The following NDST3 variants were observed in gnomAD, a reference collection of about 807,000 sequenced individuals.
The protein encoded by NDST3 is bifunctional heparan sulfate N-deacetylase/N-sulfotransferase 3.
Under a neutral mutation model 96.1 loss-of-function variants are expected in NDST3, and 58 were observed. The observed-to-expected ratio is 0.60, with a 90% confidence interval of 0.49 to 0.75. The LOEUF is 0.75. Ranked by LOEUF, NDST3 falls within the 30% of genes least tolerant of loss-of-function variation. The pLI, the probability that NDST3 is intolerant of heterozygous loss-of-function variation, is 0.00. For missense variants in NDST3, 788 were observed against 1,034.2 expected (o/e 0.76, Z 3.27); for synonymous variants, 333 against 359.7 (o/e 0.93, Z 0.84).
At chr4:118,151,881 C>T (rs1490979685) in intron 6 of NDST3, among the ~76,000 whole-genome samples, 2 of 151,938 alleles carry the variant, frequency 1.3e-5, no homozygotes, top group African/African-American at 2.4e-5. Context: ...TTTAGAGGCC[C>T]CTCCTGCGTT....
intron 1 of NDST3, among the ~76,000 whole-genome samples, chr4:118,049,114 T>C (rs949297817): frequency 6.6e-6 from 1 of 152,122 alleles, no homozygotes; most frequent in Non-Finnish European, 1.5e-5. Flanking sequence ...AACTTGCTCC[T>C]GAATAACTCC....
At position 118,044,335 on chromosome 4, in the gene NDST3, A is replaced by T. The variant is rs1031639766; in HGVS notation, c.-155-9421A>T. On this transcript the variant is annotated intron_variant, in intron 1 of 13. Transcript: ENST00000296499. ...TCAAAATGAAATAACTATAATTACAATGAAAACTCTGTTGTCCAGGTAAAT... is the reference window on the plus strand; with the variant it reads ...TCAAAATGAAATAACTATAATTACATTGAAAACTCTGTTGTCCAGGTAAAT... Among the ~76,000 whole-genome samples, 2 of 152,246 alleles carry T rather than the reference A, an allele frequency of 1.3e-5. 1 individual carries two copies. The highest frequency in any genetic ancestry group is 1.3e-4 in the Admixed American group (2 of 15,284).
intron 2 of NDST3, among the ~76,000 whole-genome samples, chr4:118,093,808 A>T (rs1729076138): frequency 6.6e-6 from 1 of 151,882 alleles, no homozygotes; most frequent in Admixed American, 6.6e-5. Flanking sequence ...ACAAAATGCC[A>T]CAGACTGGGT....
chr4:118,058,622 TGTGTGTGTGTGTGCGCGC>T (rs770106778), intron 2 of NDST3, among the ~76,000 whole-genome samples: 15 of 48,826 alleles, frequency 3.1e-4, no homozygotes, highest in African/African-American at 5.9e-4. Flanking sequence ...TGTGTGTGTG[TGTGTGTGTGTGTGCGCGC>T]GCGCGCACGC....
chr4:118,057,457 G>C (rs914323268), intron 2 of NDST3, among the ~76,000 whole-genome samples: 1 of 151,780 alleles, frequency 6.6e-6, no homozygotes, highest in Non-Finnish European at 1.5e-5. Flanking sequence ...CTCAGCCAGG[G>C]AAAAAATTTA....
At chr4:118,250,762 G>A (rs1390451850) in intron 12 of NDST3, among the ~76,000 whole-genome samples, 1 of 151,992 alleles carries the variant, frequency 6.6e-6, no homozygotes, top group African/African-American at 2.4e-5. Flanking sequence ...GAGATTATAG[G>A]CGTCAGCCAT....
At chr4:118,216,769 G>A (rs1162750326) in intron 6 of NDST3, among the ~76,000 whole-genome samples, 1 of 152,048 alleles carries the variant, frequency 6.6e-6, no homozygotes, top group Non-Finnish European at 1.5e-5. Context: ...GAGGAGACAA[G>A]AATAAATCAT....
intron 6 of NDST3, among the ~76,000 whole-genome samples, chr4:118,182,032 T>C (rs1736639107): frequency 6.6e-6 from 1 of 152,152 alleles, no homozygotes; most frequent in South Asian, 2.1e-4. Flanking sequence ...CCAGAGCCAC[T>C]TCCCAAAGAC....
intron 2 of NDST3, among the ~76,000 whole-genome samples, chr4:118,081,097 G>A (rs969569023): frequency 2.0e-5 from 3 of 152,146 alleles, no homozygotes; most frequent in Non-Finnish European, 4.4e-5. Flanking sequence ...TTTAAAATAG[G>A]AATGATAATA....
At chr4:118,057,753 A>C (rs6816778) in intron 2 of NDST3, among the ~76,000 whole-genome samples, 114,288 of 151,886 alleles carry the variant, frequency 0.75, 45,663 homozygotes, top group South Asian at 0.92. Context: ...CATTTGCAGT[A>C]AGTTGGAGTC....
chr4:118,131,663 A>G (rs1474077346), intron 4 of NDST3, among the ~76,000 whole-genome samples: 2 of 152,036 alleles, frequency 1.3e-5, no homozygotes, highest in Admixed American at 1.3e-4. Flanking sequence ...GTAGATGTTC[A>G]TCTGTGTCTG....
Position 118,053,867 on chromosome 4 carries a change from T to G in NDST3, c.-44T>G. ...GGAACACCATCTTTTCTTTTAACTT[T>G]TTATGGTGCTTCTGTTGGCATAGTT... On this transcript the variant is annotated 5_prime_UTR_variant, in exon 2 of 14. Transcript: ENST00000296499. The G allele has an allele frequency of 6.5e-7, 1 of 1,528,856 alleles. No individual in the cohort carries two copies. The highest frequency in any genetic ancestry group is 8.8e-7 in the Non-Finnish European group (1 of 1,142,322). The allele number at this position is 1,528,856 out of a possible 1,614,324, so 94.7% of individuals were successfully genotyped here.
At chr4:118,085,648 T>C (rs1190477304) in intron 2 of NDST3, among the ~76,000 whole-genome samples, 2 of 151,876 alleles carry the variant, frequency 1.3e-5, no homozygotes, top group Non-Finnish European at 3.0e-5. Context: ...CAACAATGAA[T>C]ATTGTTGGGT....
chr4:118,153,015 C>T (rs923450854), intron 6 of NDST3, among the ~76,000 whole-genome samples: 3 of 152,198 alleles, frequency 2.0e-5, no homozygotes, highest in African/African-American at 4.8e-5. Flanking sequence ...TATGACTGAG[C>T]AACGGCTACC....
chr4:118,070,857 C>T (rs1350243652), intron 2 of NDST3, among the ~76,000 whole-genome samples: 1 of 152,000 alleles, frequency 6.6e-6, no homozygotes, highest in Non-Finnish European at 1.5e-5. Flanking sequence ...TCCAAGTGTT[C>T]TCATTGTTCA....
chr4:118,126,836 T>C (rs1019686085), intron 4 of NDST3, among the ~76,000 whole-genome samples: 2 of 151,984 alleles, frequency 1.3e-5, no homozygotes, highest in African/African-American at 4.8e-5. Flanking sequence ...TTCTTTTCTC[T>C]ACATCTCTCC....
intron 4 of NDST3, among the ~76,000 whole-genome samples, chr4:118,132,893 G>C (rs1732753000): frequency 6.6e-6 from 1 of 152,114 alleles, no homozygotes; most frequent in Non-Finnish European, 1.5e-5. Context: ...CCTCATGACT[G>C]CCTGGTGCCC....
intron 6 of NDST3, among the ~76,000 whole-genome samples, chr4:118,204,695 C>T (rs1334255188): frequency 6.9e-6 from 1 of 144,232 alleles, no homozygotes; most frequent in Non-Finnish European, 1.5e-5. Context: ...CTTGATTTAA[C>T]AATATTACAT....
chr4:118,140,845 C>A (rs1444862106), intron 5 of NDST3, among the ~76,000 whole-genome samples: 1 of 152,150 alleles, frequency 6.6e-6, no homozygotes, highest in Non-Finnish European at 1.5e-5. Context: ...TCCACCTGGT[C>A]TCTCCCTTGA....
Sources: gnomAD v4.1 joint callset for allele counts (sites outside exome capture counted in the v4.1 genomes callset) on GRCh38, gnomAD v4.1.1 for gene constraint, MANE v1.5 for transcripts, NCBI Gene and HGNC (gene_info 2026-07-23, HGNC 2026-07-21) for gene names.